PTPRN2: variants seen among roughly 807,000 people sequenced by gnomAD.
PTPRN2 encodes receptor-type tyrosine-protein phosphatase N2.
In PTPRN2, 74 loss-of-function variants were observed where a neutral mutation model predicts 118.8. The observed-to-expected ratio is 0.62, with a 90% CI of 0.52 to 0.76. PTPRN2 has a LOEUF of 0.76. Among genes scored for constraint, PTPRN2 ranks in the 30% least tolerant of loss-of-function variants. The pLI is 0.00. For missense variants in PTPRN2, 1,481 were observed against 1,394.4 expected (o/e 1.06, Z -0.99); for synonymous variants, 641 against 608.0 (o/e 1.05, Z -0.80).
rs983472147 is a variant in PTPRN2 at position 158,544,784 on chromosome 7, G to C, written c.112+42774C>G. On this transcript the variant is annotated intron_variant, in intron 1 of 22. Coordinates refer to ENST00000389418, the MANE Select transcript of PTPRN2 (RefSeq NM_002847.5). This position sits in a 1 kb window ranked among gnomAD's most constrained non-coding sequence, Gnocchi z 4.2. ...CAAAAGATTGGGTGCCCCTGCTCTAGAGTGAACACAGAAGCACTGTCTGGG... is the reference window on the plus strand; with the variant it reads ...CAAAAGATTGGGTGCCCCTGCTCTACAGTGAACACAGAAGCACTGTCTGGG... Among the ~76,000 whole-genome samples the C allele has an allele frequency of 2.6e-5, 4 of 152,166 alleles. No individual in the cohort carries two copies. Among genetic ancestry groups the C allele is most frequent in the African/African-American group, 9.6e-5 (4 of 41,452 alleles).
intron 3 of PTPRN2, among the ~76,000 whole-genome samples, chr7:158,244,626 TTG>T (rs1241352785): frequency 6.6e-6 from 1 of 151,024 alleles, no homozygotes; most frequent in Non-Finnish European, 1.5e-5. Flanking sequence ...TGTATGTGTT[TTG>T]TGTGAGCTGA....
intron 14 of PTPRN2, among the ~76,000 whole-genome samples, chr7:157,631,074 GA>G (rs1440774223): frequency 3.9e-5 from 6 of 152,020 alleles, no homozygotes; most frequent in African/African-American, 1.2e-4. Flanking sequence ...CTATTCTGAG[GA>G]CCACCTAGAA....
chr7:158,315,842 C>T (rs1051246307), intron 3 of PTPRN2, among the ~76,000 whole-genome samples: 7 of 152,236 alleles, frequency 4.6e-5, no homozygotes, highest in Non-Finnish European at 1.0e-4. Flanking sequence ...AGAGTGACCT[C>T]AGCAGAGGAG....
chr7:157,541,494 A>G (rs1798013242), intron 22 of PTPRN2, among the ~76,000 whole-genome samples: 1 of 152,226 alleles, frequency 6.6e-6, no homozygotes, highest in South Asian at 2.1e-4. Flanking sequence ...CGCTCCTCCA[A>G]AGACCAGGGC....
At chr7:158,084,220 C>G (rs1288687393) in intron 10 of PTPRN2, among the ~76,000 whole-genome samples, 2 of 152,190 alleles carry the variant, frequency 1.3e-5, no homozygotes, top group Non-Finnish European at 2.9e-5. Flanking sequence ...CCATCAGCAG[C>G]AGAGATCCCT....
intron 11 of PTPRN2, among the ~76,000 whole-genome samples, chr7:158,073,771 AAG>A (rs1812133342): frequency 6.6e-6 from 1 of 151,474 alleles, no homozygotes; most frequent in Non-Finnish European, 1.5e-5. Flanking sequence ...CTTATGGACA[AAG>A]AGGAAAAGAA....
At chr7:158,231,620 T>C (rs1379994882) in intron 3 of PTPRN2, among the ~76,000 whole-genome samples, 1 of 152,150 alleles carries the variant, frequency 6.6e-6, no homozygotes, top group Admixed American at 6.5e-5. Context: ...CTACACCAAA[T>C]AGGCTTGACT....
chr7:157,879,615 G>A (rs1346929352), intron 12 of PTPRN2, among the ~76,000 whole-genome samples: 1 of 151,732 alleles, frequency 6.6e-6, no homozygotes, highest in Non-Finnish European at 1.5e-5. Flanking sequence ...AAAAGGGAGG[G>A]GGCTCCAAGC....
At chr7:157,588,988 G>C (rs1183465192) in intron 17 of PTPRN2, among the ~76,000 whole-genome samples, 5 of 152,136 alleles carry the variant, frequency 3.3e-5, no homozygotes, top group Admixed American at 3.3e-4. Flanking sequence ...TTTACCGTTT[G>C]TAAGTGCACA....
rs1481231964 is a variant in PTPRN2, at chr7:158,360,034, A to T, written c.164-43102T>A. ...CCTTCCTCACCCAGACAACCCACAGATCCCAAGTCCACCCACACCCAGGAC... is the reference window on the plus strand; with the variant it reads ...CCTTCCTCACCCAGACAACCCACAGTTCCCAAGTCCACCCACACCCAGGAC... On this transcript the variant is annotated intron_variant, in intron 2 of 22. Coordinates refer to ENST00000389418, the MANE Select transcript of PTPRN2 (RefSeq NM_002847.5). 2.0e-5 allele frequency among the ~76,000 whole-genome samples: 3 copies of T among 149,428 alleles called. 1 individual carries two copies. Among genetic ancestry groups the T allele is most frequent in the Non-Finnish European group, 4.4e-5 (3 of 67,742 alleles).
At chr7:158,033,209 C>A (rs1270267520) in intron 11 of PTPRN2, among the ~76,000 whole-genome samples, 1 of 94,900 alleles carries the variant, frequency 1.1e-5, no homozygotes, top group Non-Finnish European at 2.1e-5. Flanking sequence ...TGGTGGCCAC[C>A]AAGCCTGATG....
At chr7:158,577,339 C>G (rs1586973174) in intron 1 of PTPRN2, among the ~76,000 whole-genome samples, 1 of 138,358 alleles carries the variant, frequency 7.2e-6, no homozygotes, top group South Asian at 2.4e-4. Context: ...TGAGGGCTGC[C>G]CACCCTGCCT....
chr7:157,541,021 C>T (rs1420534547), intron 22 of PTPRN2, among the ~76,000 whole-genome samples: 1 of 152,270 alleles, frequency 6.6e-6, no homozygotes, highest in Non-Finnish European at 1.5e-5. Context: ...CATGTTTGAG[C>T]TTCTCTCGCA....
intron 11 of PTPRN2, among the ~76,000 whole-genome samples, chr7:158,034,621 G>T (rs903084445): frequency 5.9e-5 from 9 of 152,218 alleles, no homozygotes; most frequent in Non-Finnish European, 1.2e-4. Flanking sequence ...CCCAGTCTCA[G>T]ATATGTCTTT....
chr7:158,441,207 GTGGTGGTGA>G (rs1817111092), intron 2 of PTPRN2, among the ~76,000 whole-genome samples: 18 of 144,402 alleles, frequency 1.2e-4, no homozygotes, highest in Admixed American at 1.2e-3. Flanking sequence ...GGTGATGGTG[GTGGTGGTGA>G]TGGTGATAGT....
rs1198476957 is a variant in PTPRN2, at chr7:158,204,325, G to C, written c.380+846C>G. Among the ~76,000 whole-genome samples the C allele has an allele frequency of 2.0e-5, 3 of 152,230 alleles. No individual in the cohort carries two copies. The South Asian group carries it at 6.2e-4, about 32-fold the overall frequency. On this transcript the variant is annotated intron_variant, in intron 4 of 22. Transcript: ENST00000389418. ...CCCGCGCCCTCAGTGTGTGCGGCGT[G>C]CTGGGGGACGGTTACCAGTTCTCCA...
rs73729614 is a variant in PTPRN2, at chr7:158,438,808, C to T, written c.163+50927G>A. Among the ~76,000 whole-genome samples the T allele has an allele frequency of 0.03, 4,576 of 152,226 alleles. 226 individuals carry two copies. Among genetic ancestry groups the T allele is most frequent in the African/African-American group, 0.1 (4,325 of 41,498 alleles). ...AGCAAACCAGAGCCCCGGGACCTAC[C>T]CCACCTGTCTTTTCATGTAGGGCCT... On this transcript the variant is annotated intron_variant, in intron 2 of 22. Coordinates refer to ENST00000389418, the MANE Select transcript of PTPRN2 (RefSeq NM_002847.5). The surrounding 1 kb of genome is among the most constrained non-coding windows in gnomAD (Gnocchi z 4.7).
chr7:157,707,616 G>A (rs1268814659), intron 12 of PTPRN2, among the ~76,000 whole-genome samples: 1 of 150,858 alleles, frequency 6.6e-6, no homozygotes, highest in Middle Eastern at 3.4e-3. Context: ...GTCTCACTCT[G>A]TCACTAGGCT....
chr7:157,993,068 G>A (rs969802845), intron 11 of PTPRN2, among the ~76,000 whole-genome samples: 6 of 152,172 alleles, frequency 3.9e-5, no homozygotes, highest in East Asian at 1.9e-4. Flanking sequence ...CACAGGCCAC[G>A]CTTCAGGAGG....
Sources: allele counts gnomAD v4.1 joint callset (sites outside exome capture counted in the v4.1 genomes callset), GRCh38; gene constraint gnomAD v4.1.1; non-coding constraint Gnocchi (gnomAD v3.1); transcripts MANE v1.5; gene names NCBI Gene and HGNC (gene_info 2026-07-23, HGNC 2026-07-21).